TRPC6: variants seen among roughly 807,000 people sequenced by gnomAD.
TRPC6 encodes the protein short transient receptor potential channel 6.
In TRPC6, 55 loss-of-function variants were observed where a neutral mutation model predicts 90.7. The observed-to-expected ratio is 0.61, with a 90% CI of 0.49 to 0.76. The LOEUF is 0.76. Ranked by LOEUF, TRPC6 falls within the 30% of genes least tolerant of loss-of-function variation. TRPC6 has a pLI of 0.00. For missense variants in TRPC6, 989 were observed against 1,122.7 expected (o/e 0.88, Z 1.70); for synonymous variants, 393 against 393.0 (o/e 1.00, Z 0.00).
intron 1 of TRPC6, among the ~76,000 whole-genome samples, chr11:101,582,021 T>C (rs1862207975): frequency 1.3e-5 from 2 of 152,222 alleles, no homozygotes; most frequent in African/African-American, 2.4e-5. Flanking sequence ...GTGGTGGCTG[T>C]ACAACTTTAT....
intron 2 of TRPC6, among the ~76,000 whole-genome samples, chr11:101,499,351 C>G (rs1860032349): frequency 6.6e-6 from 1 of 151,568 alleles, no homozygotes; most frequent in Admixed American, 6.6e-5. Context: ...ATGGTCAAAG[C>G]CCATGGATGA....
chr11:101,465,174 C>T (rs1335798596), intron 10 of TRPC6, among the ~76,000 whole-genome samples: 4 of 152,112 alleles, frequency 2.6e-5, no homozygotes, highest in African/African-American at 7.2e-5. Flanking sequence ...GTCTGATGGG[C>T]TTGCCTTTGT....
intron 5 of TRPC6, among the ~76,000 whole-genome samples, chr11:101,479,884 A>C (rs1489947375): frequency 6.6e-6 from 1 of 152,190 alleles, no homozygotes; most frequent in East Asian, 1.9e-4. Flanking sequence ...AAAGTTTAAA[A>C]TAAAACTGAG....
Position 101,503,507 on chromosome 11 carries a change from TTTTG to T in TRPC6, c.945+513_945+516del, listed in dbSNP as rs757755150. On this transcript the variant is annotated intron_variant, in intron 2 of 12. Coordinates refer to ENST00000344327, the MANE Select transcript of TRPC6 (RefSeq NM_004621.6). ...TGTTGCTTTTACCTCTACCTGGTAG[TTTTG>T]TTTATTTTTTATTCATGTGTGCATT... 1.5e-4 allele frequency among the ~76,000 whole-genome samples: 23 copies of T among 152,288 alleles called. No individual in the cohort carries two copies. In the Middle Eastern group the frequency reaches 0.01, roughly 68 times the overall value.
At chr11:101,463,390 G>T (rs1859054999) in intron 10 of TRPC6, among the ~76,000 whole-genome samples, 1 of 152,184 alleles carries the variant, frequency 6.6e-6, no homozygotes, top group Admixed American at 6.5e-5. Context: ...AATGGTACCA[G>T]CTCCTCTTTG....
chr11:101,501,832 A>T (rs1478900067), intron 2 of TRPC6, among the ~76,000 whole-genome samples: 1 of 152,156 alleles, frequency 6.6e-6, no homozygotes, highest in African/African-American at 2.4e-5. Flanking sequence ...AAGTTCTAGG[A>T]TATACTTTAT....
chr11:101,492,552 T>C lies in TRPC6; in HGVS notation c.946-814A>G, dbSNP rs148602118. 4.5e-3 allele frequency among the ~76,000 whole-genome samples: 683 copies of C among 151,326 alleles called. 3 individuals are homozygous for C. The highest frequency in any genetic ancestry group is 0.016 in the African/African-American group (650 of 40,962). On this transcript the variant is annotated intron_variant, in intron 2 of 12. Transcript: ENST00000344327. ...ATCCGTGATCATGCCACTGTCACTC[T>C]AGCCTGGGCAACAAAGCGAGACCCT... is the stretch of plus-strand genomic sequence containing the variant.
chr11:101,473,103 G>A (rs1055339126), intron 7 of TRPC6, among the ~76,000 whole-genome samples: 3 of 151,422 alleles, frequency 2.0e-5, no homozygotes, highest in Admixed American at 6.6e-5. Context: ...GCATCCCCAG[G>A]AGTGAGTCCC....
intron 1 of TRPC6, among the ~76,000 whole-genome samples, chr11:101,566,707 G>C (rs887554562): frequency 3.9e-5 from 6 of 152,156 alleles, no homozygotes; most frequent in Admixed American, 6.5e-5. Flanking sequence ...GGACAGGTTG[G>C]ACAGTGGGTG....
chr11:101,535,573 C>G (rs1490785882), intron 1 of TRPC6, among the ~76,000 whole-genome samples: 1 of 152,118 alleles, frequency 6.6e-6, no homozygotes, highest in Admixed American at 6.5e-5. Context: ...ACTGGGCTGA[C>G]TAGGATATGA....
chr11:101,574,807 T>A (rs1217114474), intron 1 of TRPC6, among the ~76,000 whole-genome samples: 1 of 152,230 alleles, frequency 6.6e-6, no homozygotes, highest in African/African-American at 2.4e-5. Flanking sequence ...TTAAGTTACC[T>A]TTAGAAATTG....
At chr11:101,498,135 AG>A (rs1859997598) in intron 2 of TRPC6, among the ~76,000 whole-genome samples, 1 of 152,172 alleles carries the variant, frequency 6.6e-6, no homozygotes. Flanking sequence ...AGTCAAGGAG[AG>A]AAAGCAAGAG....
chr11:101,452,136 G>A lies in TRPC6; in HGVS notation c.*819C>T, dbSNP rs201778272. ...CAAACAACCACAGTGTTTGTTTGGG[G>A]TTTTGATTTTTCTCCAATAAAAGGT... On this transcript the variant is annotated 3_prime_UTR_variant, in exon 13 of 13. Coordinates refer to ENST00000344327, the MANE Select transcript of TRPC6 (RefSeq NM_004621.6). 6.0e-4 allele frequency: 91 copies of A among 152,108 alleles called. No homozygotes were observed. The highest frequency in any genetic ancestry group is 8.8e-5 in the Non-Finnish European group (6 of 68,016). 9.4% of individuals were successfully genotyped at this position (152,108 alleles called of 1,614,324 possible). A position where few individuals can be genotyped will look rare whatever the true frequency, so the allele number is the denominator to read the frequency against.
At chr11:101,523,062 A>T (rs1860697047) in intron 1 of TRPC6, among the ~76,000 whole-genome samples, 1 of 152,212 alleles carries the variant, frequency 6.6e-6, no homozygotes. Context: ...TTTAGATATG[A>T]CACCAAAATT....
intron 1 of TRPC6, among the ~76,000 whole-genome samples, chr11:101,564,138 G>C (rs746652182): frequency 8.7e-5 from 13 of 150,218 alleles, no homozygotes; most frequent in African/African-American, 1.5e-4. Context: ...ATATGCTTTT[G>C]CATTGTATGA....
In TRPC6 at chr11:101,583,527, G is replaced by C; in HGVS notation, c.-24C>G. On this transcript the variant is annotated 5_prime_UTR_variant, in exon 1 of 13. Transcript: ENST00000344327. ...ATGGCGGGAACGCCCGACTGGCCTG[G>C]GCCCCGCTCCCGGGGGAGCCGAGTG... 1 of 1,433,980 alleles carries C rather than the reference G, an allele frequency of 7.0e-7. No individual in the cohort carries two copies. Among genetic ancestry groups the C allele is most frequent in the Non-Finnish European group, 9.1e-7 (1 of 1,098,950 alleles). 88.8% of individuals were successfully genotyped at this position (1,433,980 alleles called of 1,614,324 possible). A position where few individuals can be genotyped will look rare whatever the true frequency, so the allele number is the denominator to read the frequency against.
chr11:101,504,243 A>T lies in TRPC6; in HGVS notation c.726T>A (p.Gly242=). Residue 242 remains glycine (G), a synonymous_variant, in exon 2 of 13, where the codon GGT becomes GGA. Coordinates refer to ENST00000344327, the MANE Select transcript of TRPC6 (RefSeq NM_004621.6). ...YEIVHTLLRK[G]ARIERPHDYF... ...AATCATGAGGCCGTTCAATCCTAGC[A>T]CCCTTCCGCAGGAGGGTATGCACAA... 6.2e-7 allele frequency: 1 copy of T among 1,613,996 alleles called. No homozygotes were observed. The highest frequency in any genetic ancestry group is 8.5e-7 in the Non-Finnish European group (1 of 1,179,958).
intron 5 of TRPC6, among the ~76,000 whole-genome samples, chr11:101,480,622 AAC>A (rs1246923809): frequency 4.6e-5 from 7 of 151,682 alleles, no homozygotes; most frequent in Admixed American, 1.3e-4. Context: ...CTTGTCCTAA[AAC>A]AGTCATGTTT....
intron 1 of TRPC6, among the ~76,000 whole-genome samples, chr11:101,563,514 T>C (rs1861761327): frequency 6.6e-6 from 1 of 152,198 alleles, no homozygotes; most frequent in Admixed American, 6.5e-5. Context: ...ATGTTAAAGC[T>C]GTTTATTGTC....
Sources: allele counts gnomAD v4.1 joint callset (sites outside exome capture counted in the v4.1 genomes callset), GRCh38; gene constraint gnomAD v4.1.1; transcripts MANE v1.5; gene names NCBI Gene and HGNC (gene_info 2026-07-23, HGNC 2026-07-21).